Variants in CSMD3 observed in about 807,000 individuals in gnomAD.
CSMD3 encodes CUB and Sushi multiple domains 3.
In CSMD3, 177 loss-of-function variants were observed where a neutral mutation model predicts 435.2. That is an observed-to-expected ratio of 0.41 (90% CI 0.36 to 0.46). The LOEUF is 0.46. CSMD3 is among the 20% of genes least tolerant of loss of function. The pLI, the probability that CSMD3 is intolerant of heterozygous loss-of-function variation, is 0.34. For missense variants in CSMD3, 4,265 were observed against 4,504.6 expected, an observed-to-expected ratio of 0.95 and a Z score of 1.52; for synonymous variants, 1,656 against 1,520.5, an observed-to-expected ratio of 1.09 and a Z score of -2.07.
chr8:112,625,312 C>T (rs1281932051), intron 22 of CSMD3, among the ~76,000 whole-genome samples: 2 of 152,018 alleles, frequency 1.3e-5, no homozygotes, highest in Non-Finnish European at 2.9e-5. Context: ...TCATCTCAAA[C>T]ATCATGATTG....
At chr8:113,334,276 A>AG (rs2094051573) in intron 1 of CSMD3, among the ~76,000 whole-genome samples, 1 of 60,542 alleles carries the variant, frequency 1.7e-5, no homozygotes, top group East Asian at 4.6e-4. Context: ...GGATAGTTTA[A>AG]GTTTTTTTTT....
At chr8:112,784,137 A>C (rs2078474140) in intron 13 of CSMD3, among the ~76,000 whole-genome samples, 1 of 152,070 alleles carries the variant, frequency 6.6e-6, no homozygotes, top group Non-Finnish European at 1.5e-5. Context: ...AATAGATAAC[A>C]AGAGGATAAA....
At chr8:112,941,716 G>A (rs895526203) in intron 9 of CSMD3, among the ~76,000 whole-genome samples, 1 of 151,680 alleles carries the variant, frequency 6.6e-6, no homozygotes, top group Admixed American at 6.6e-5. Context: ...ATGTGTATAT[G>A]TGGATATATA....
intron 31 of CSMD3, among the ~76,000 whole-genome samples, chr8:112,483,399 AAG>A (rs1281518579): frequency 1.3e-5 from 2 of 152,148 alleles, no homozygotes; most frequent in Non-Finnish European, 2.9e-5. Context: ...AGGCTTAGGC[AAG>A]AGAACCAGGA....
At chr8:112,756,379 G>C (rs142321981) in intron 13 of CSMD3, among the ~76,000 whole-genome samples, 15 of 152,264 alleles carry the variant, frequency 9.9e-5, no homozygotes, top group Non-Finnish European at 1.6e-4. Flanking sequence ...CCTAATAGGA[G>C]TATTTTAAAG....
chr8:113,412,375 T>C (rs1345444533), intron 1 of CSMD3, among the ~76,000 whole-genome samples: 2 of 152,114 alleles, frequency 1.3e-5, no homozygotes, highest in African/African-American at 4.8e-5. Flanking sequence ...TGGGTGGACT[T>C]GCAGAGTAAA....
intron 4 of CSMD3, among the ~76,000 whole-genome samples, chr8:113,130,863 A>T (rs977770311): frequency 6.6e-6 from 1 of 152,126 alleles, no homozygotes; most frequent in Non-Finnish European, 1.5e-5. Flanking sequence ...TCAGATGGAG[A>T]TGTTAAACTT....
At chr8:113,073,405 A>C (rs2089210109) in intron 5 of CSMD3, among the ~76,000 whole-genome samples, 1 of 151,864 alleles carries the variant, frequency 6.6e-6, no homozygotes, top group African/African-American at 2.4e-5. Flanking sequence ...GAAGAGAGAC[A>C]GTGATTCAGT....
intron 27 of CSMD3, among the ~76,000 whole-genome samples, chr8:112,536,105 G>C (rs1263536348): frequency 1.3e-5 from 2 of 152,166 alleles, no homozygotes; most frequent in Non-Finnish European, 2.9e-5. Flanking sequence ...TCAGGACATA[G>C]GCATGGGCAA....
intron 1 of CSMD3, among the ~76,000 whole-genome samples, chr8:113,430,370 A>AT (rs5894149): frequency 0.26 from 38,685 of 149,044 alleles, 5,531 homozygotes; most frequent in East Asian, 0.46. Context: ...ATTGTCATGT[A>AT]TTTTTTTTTT....
At chr8:112,277,926 T>C (rs1818238299) in intron 59 of CSMD3, among the ~76,000 whole-genome samples, 1 of 151,984 alleles carries the variant, frequency 6.6e-6, no homozygotes, top group Non-Finnish European at 1.5e-5. Flanking sequence ...CCACAACACA[T>C]GGGAATTATG....
intron 2 of CSMD3, among the ~76,000 whole-genome samples, chr8:113,305,919 G>A (rs1288892936): frequency 6.6e-6 from 1 of 152,054 alleles, no homozygotes; most frequent in African/African-American, 2.4e-5. Context: ...ATTAGGTAGG[G>A]GGATACTAAA....
intron 1 of CSMD3, among the ~76,000 whole-genome samples, chr8:113,316,247 CAG>C (rs1262209983): frequency 6.6e-6 from 1 of 152,036 alleles, no homozygotes; most frequent in Non-Finnish European, 1.5e-5. Flanking sequence ...AGCTGTAAAT[CAG>C]AGTTATCAAG....
chr8:112,485,145 A>G (rs1368207502), intron 31 of CSMD3, among the ~76,000 whole-genome samples: 1 of 152,164 alleles, frequency 6.6e-6, no homozygotes, highest in Non-Finnish European at 1.5e-5. Context: ...TAACATTAGC[A>G]TCTCTTCTTG....
chr8:112,310,829 G>T (rs1377397076), intron 50 of CSMD3, 149 bp downstream of exon 50: 1 of 724,208 alleles, frequency 1.4e-6, no homozygotes, highest in Non-Finnish European at 2.5e-6. Context: ...TTATCATTCT[G>T]CAATGTTATG....
Position 113,355,749 on chromosome 8 carries a change from T to TATATATATATAC in CSMD3, c.179-40957_179-40956insGTATATATATAT, listed in dbSNP as rs1357514892. The stretch of plus-strand genomic sequence containing the variant: ...ATATATATATATATATATATATATA[T>TATATATATATAC]ACACACACACACACACACGGGGTGT... On this transcript the variant is annotated intron_variant, in intron 1 of 70. Coordinates refer to ENST00000297405, the MANE Select transcript of CSMD3 (RefSeq NM_198123.2). Among the ~76,000 whole-genome samples the TATATATATATAC allele has an allele frequency of 3.6e-3, 296 of 81,248 alleles. 2 individuals are homozygous for TATATATATATAC. Among genetic ancestry groups the TATATATATATAC allele is most frequent in the Middle Eastern group, 0.012 (1 of 82 alleles). The allele number at this position is 81,248 out of a possible 152,430, so 53.3% of individuals were successfully genotyped here. A position where few individuals can be genotyped will look rare whatever the true frequency, so the allele number is the denominator to read the frequency against.
Position 112,296,824 on chromosome 8 carries a change from A to G in CSMD3, c.8441-818T>C, listed in dbSNP as rs532436464. ...AAATTCTTTCTCTAAAAATAGCAAC[A>G]AAATTATTAAACTCTTAGCTAACCC... On this transcript the variant is annotated intron_variant, in intron 53 of 70. Transcript: ENST00000297405. Among the ~76,000 whole-genome samples, 93 of 151,990 alleles carry G rather than the reference A, an allele frequency of 6.1e-4. 1 individual carries two copies. Among genetic ancestry groups the G allele is most frequent in the African/African-American group, 2.2e-3 (92 of 41,552 alleles).
intron 6 of CSMD3, 66 bp from the exon 7 acceptor site, chr8:112,976,214 A>G: frequency 6.5e-7 from 1 of 1,537,684 alleles, no homozygotes; most frequent in Non-Finnish European, 8.9e-7. Context: ...TTTTCTGATA[A>G]ATTTAATCAA....
At chr8:112,523,790 C>T (rs1399245248) in intron 27 of CSMD3, among the ~76,000 whole-genome samples, 1 of 151,968 alleles carries the variant, frequency 6.6e-6, no homozygotes, top group African/African-American at 2.4e-5. Flanking sequence ...TTATTAGGCC[C>T]ACACTCTGCC....
Sources: allele counts gnomAD v4.1 joint callset (sites outside exome capture counted in the v4.1 genomes callset), GRCh38; gene constraint gnomAD v4.1.1; transcripts MANE v1.5; gene names NCBI Gene and HGNC (gene_info 2026-07-23, HGNC 2026-07-21).